NDE1: variants seen among roughly 807,000 people sequenced by gnomAD.
NDE1 encodes the protein nudE neurodevelopment protein 1, also known as nuclear distribution protein nudE homolog 1.
NDE1 carries 28 observed loss-of-function variants against 43.4 expected under a neutral mutation model. The observed-to-expected ratio is 0.65, with a 90% CI of 0.48 to 0.89. The LOEUF (loss-of-function observed/expected upper bound fraction) is 0.89. Among genes scored for constraint, NDE1 ranks in the 40% least tolerant of loss-of-function variants. NDE1 has a pLI of 0.00. For missense variants in NDE1, 441 were observed against 434.1 expected, an observed-to-expected ratio of 1.02 and a Z score of -0.14; for synonymous variants, 184 against 172.0, an observed-to-expected ratio of 1.07 and a Z score of -0.55.
intron 8 of NDE1, chr16:15,699,990 G>T: frequency 8.4e-7 from 1 of 1,192,858 alleles, no homozygotes; most frequent in Non-Finnish European, 1.1e-6. Flanking sequence ...CCTGTGCTCT[G>T]GGGTTTGTCC....
At chr16:15,718,292 T>G in intron 8 of NDE1, 1 of 1,607,438 alleles carries the variant, frequency 6.2e-7, no homozygotes, top group Non-Finnish European at 8.5e-7. Flanking sequence ...GCAGCGTGAC[T>G]GTGGTGTCCA....
intron 8 of NDE1, chr16:15,718,148 G>A: frequency 5.8e-6 from 6 of 1,039,988 alleles, no homozygotes; most frequent in South Asian, 5.5e-5. Flanking sequence ...AGCAGCCTGG[G>A]CACTGGTGTA....
chr16:15,693,793 A>G (rs2038873264), intron 6 of NDE1, among the ~76,000 whole-genome samples: 1 of 152,206 alleles, frequency 6.6e-6, no homozygotes, highest in Non-Finnish European at 1.5e-5. Flanking sequence ...TACAAAAATT[A>G]GCCGGGTGTG....
intron 8 of NDE1, chr16:15,717,614 G>A (rs1024192113): frequency 5.3e-6 from 3 of 570,812 alleles, no homozygotes; most frequent in Non-Finnish European, 9.4e-6. Context: ...GGCCAACATG[G>A]TGAAACCCCG....
At chr16:15,715,194 C>T in intron 8 of NDE1, 3 of 1,614,012 alleles carry the variant, frequency 1.9e-6, no homozygotes, top group South Asian at 1.1e-5. Context: ...CCATCTTGCG[C>T]TCGTCCTCCA....
intron 8 of NDE1, chr16:15,715,332 G>GT: frequency 6.5e-7 from 1 of 1,548,038 alleles, no homozygotes; most frequent in East Asian, 2.2e-5. Context: ...TGTAGCTGGT[G>GT]TGTCACCTGG....
chr16:15,709,953 T>TG (rs770300404), intron 8 of NDE1, among the ~76,000 whole-genome samples: 3 of 152,160 alleles, frequency 2.0e-5, no homozygotes, highest in Non-Finnish European at 4.4e-5. Context: ...GAGATGCGTC[T>TG]GGCTGATAGA....
At chr16:15,647,500 G>A (rs2036353839), upstream of NDE1, among the ~76,000 whole-genome samples, 1 of 149,694 alleles carries the variant, frequency 6.7e-6, no homozygotes, top group Non-Finnish European at 1.5e-5. Context: ...TGGTTCAGTT[G>A]CATGGTCTCC....
At chr16:15,717,282 G>C in intron 8 of NDE1, 1 of 1,613,640 alleles carries the variant, frequency 6.2e-7, no homozygotes, top group Non-Finnish European at 8.5e-7. Context: ...TCGAGCTGCT[G>C]CCGGGCACTC....
At chr16:15,705,984 C>CAAAAAAAAAA (rs57451847) in intron 8 of NDE1, among the ~76,000 whole-genome samples, 7,539 of 56,350 alleles carry the variant, frequency 0.13, 1,513 homozygotes, top group Non-Finnish European at 0.16. Flanking sequence ...GACTCCGTCT[C>CAAAAAAAAAA]AAAAAAAAAA....
At chr16:15,644,410 G>A (rs1256042078) in intron 1 of NDE1, among the ~76,000 whole-genome samples, 1 of 152,202 alleles carries the variant, frequency 6.6e-6, no homozygotes, top group Non-Finnish European at 1.5e-5. Flanking sequence ...CTTTGTGCCT[G>A]TATTTAATTT....
chr16:15,724,338 C>T lies in NDE1; in HGVS notation c.*87C>T, dbSNP rs1251878449. 1.2e-6 allele frequency: 2 copies of T among 1,614,172 alleles called. No homozygotes were observed. Among genetic ancestry groups the T allele is most frequent in the Non-Finnish European group, 1.7e-6 (2 of 1,180,030 alleles). On this transcript the variant is annotated 3_prime_UTR_variant, in exon 9 of 9. Coordinates refer to ENST00000396354, the MANE Select transcript of NDE1 (RefSeq NM_017668.3). The stretch of plus-strand genomic sequence containing the variant: ...TGAGGTTCTCGATCTCCTTCTGGAA[C>T]CTCTTCTTCCCCTCTTCCAGAGCTT...
upstream of NDE1, among the ~76,000 whole-genome samples, chr16:15,647,130 G>A (rs1366424399): frequency 6.6e-6 from 1 of 152,224 alleles, no homozygotes; most frequent in Non-Finnish European, 1.5e-5. Context: ...ATTAATGTTT[G>A]GGAAGTTTCC....
At position 15,724,223 on chromosome 16, in the gene NDE1, C is replaced by T. The variant is rs794728668; in HGVS notation, c.980C>T (p.Ser327Leu). The change falls in exon 9 of 9, where the codon TCA becomes TTA. Residue 327 changes from serine (S) to leucine (L), a missense_variant. Ser to Leu is a moderately radical substitution (Grantham distance 145). Coordinates refer to ENST00000396354, the MANE Select transcript of NDE1 (RefSeq NM_017668.3). ...LDTSCRWLSKSTTRSSSSC is the reference protein window; with the variant it reads ...LDTSCRWLSKLTTRSSSSC ...ACGAGTTGCCGCTGGTTGTCCAAATCAACAACCAGGTCGTCCAGCTCCTGC... is the reference window on the plus strand; with the variant it reads ...ACGAGTTGCCGCTGGTTGTCCAAATTAACAACCAGGTCGTCCAGCTCCTGC... The T allele has an allele frequency of 4.3e-6, 7 of 1,614,054 alleles. No homozygotes were observed. The highest frequency in any genetic ancestry group is 5.9e-6 in the Non-Finnish European group (7 of 1,180,052).
chr16:15,688,652 AAGAC>A (rs1468811905), intron 5 of NDE1, among the ~76,000 whole-genome samples: 1 of 146,094 alleles, frequency 6.8e-6, no homozygotes, highest in East Asian at 2.0e-4. Context: ...AAAAAAAAAA[AAGAC>A]ATTCATTAGT....
rs765192822 is a variant in NDE1 at position 15,699,741 on chromosome 16, C to T, written c.947+2881C>T. ...GCTCTGTCTGAAGGTTGGGGAAGCG[C>T]CTGGAATTTGGGAAGCCGCCTTCAC... On this transcript the variant is annotated intron_variant, in intron 8 of 8. Transcript: ENST00000396354. The T allele has an allele frequency of 3.7e-6, 5 of 1,351,118 alleles. No individual in the cohort carries two copies. In the African/African-American group the frequency reaches 5.9e-5, roughly 16 times the overall value. 83.7% of individuals were successfully genotyped at this position (1,351,118 alleles called of 1,614,324 possible).
At chr16:15,650,769 C>G (rs1467458390) in intron 1 of NDE1, among the ~76,000 whole-genome samples, 2 of 152,062 alleles carry the variant, frequency 1.3e-5, no homozygotes, top group East Asian at 3.9e-4. Flanking sequence ...TCCTATTCCT[C>G]CATCCTGCCA....
rs114888849 is a variant in NDE1, at chr16:15,674,533, G to A, written c.238-3268G>A. Among the ~76,000 whole-genome samples the A allele has an allele frequency of 4.4e-3, 663 of 152,178 alleles. 1 individual carries two copies. Among genetic ancestry groups the A allele is most frequent in the African/African-American group, 0.014 (563 of 41,528 alleles). ...CAAATTGCTGGGATTACAGGTGTGG[G>A]TCACTGCTCCCGGCCTGTCTTTGTT... On this transcript the variant is annotated intron_variant, in intron 3 of 8. Transcript: ENST00000396354.
chr16:15,662,265 G>A (rs1229139840), intron 1 of NDE1, among the ~76,000 whole-genome samples: 1 of 144,188 alleles, frequency 6.9e-6, no homozygotes, highest in Non-Finnish European at 1.5e-5. Flanking sequence ...TTCAGGCCAC[G>A]TTCCTTTCTC....
Sources: allele counts gnomAD v4.1 joint callset (sites outside exome capture counted in the v4.1 genomes callset), GRCh38; gene constraint gnomAD v4.1.1; transcripts MANE v1.5; gene names NCBI Gene and HGNC (gene_info 2026-07-23, HGNC 2026-07-21).